LCP1: variants seen among roughly 807,000 people sequenced by gnomAD.
LCP1 encodes plastin-2.
Under a neutral mutation model 72.0 loss-of-function variants are expected in LCP1, and 23 were observed. The observed-to-expected ratio is 0.32, with a 90% CI of 0.23 to 0.45. The LOEUF is 0.45. Among genes scored for constraint, LCP1 ranks in the 20% least tolerant of loss-of-function variants. The pLI, the probability that LCP1 is intolerant of heterozygous loss-of-function variation, is 1.00. For synonymous variants in LCP1, 245 were observed against 275.4 expected (o/e 0.89, Z 1.09); for missense variants, 571 against 748.3 (o/e 0.76, Z 2.76).
rs546724212 is a variant in LCP1 at position 46,171,718 on chromosome 13, A to G, written c.-25+10393T>C. On this transcript the variant is annotated intron_variant, in intron 1 of 15. Coordinates refer to ENST00000323076, the MANE Select transcript of LCP1 (RefSeq NM_002298.5). Reference sequence around the variant, plus strand: ...AATAGTCACGCAAATGCAAGACTACACTAATATGAATATTTTAAAGATATT... The same window carrying G: ...AATAGTCACGCAAATGCAAGACTACGCTAATATGAATATTTTAAAGATATT... 1.0e-3 allele frequency among the ~76,000 whole-genome samples: 157 copies of G among 152,254 alleles called. 3 individuals are homozygous for G. The highest frequency in any genetic ancestry group is 1.7e-3 in the Non-Finnish European group (118 of 68,034).
intron 8 of LCP1, among the ~76,000 whole-genome samples, chr13:46,149,548 C>T (rs1478860471): frequency 6.6e-6 from 1 of 152,200 alleles, no homozygotes; most frequent in Admixed American, 6.5e-5. Flanking sequence ...GGGTGTTCTC[C>T]TCGCCTTTGC....
chr13:46,135,015 A>T (rs2045655753), intron 13 of LCP1, among the ~76,000 whole-genome samples: 2 of 147,478 alleles, frequency 1.4e-5, no homozygotes, highest in Non-Finnish European at 3.0e-5. Flanking sequence ...AGGCTGAGGT[A>T]GGAGGATTGC....
In LCP1 at chr13:46,159,687, C is replaced by T; in HGVS notation, c.-24-1G>A. 6.3e-7 allele frequency: 1 copy of T among 1,585,566 alleles called. No individual in the cohort carries two copies. On this transcript the variant is annotated splice_acceptor_variant, in intron 1 of 15. Transcript: ENST00000323076. LOFTEE classifies it low-confidence loss of function (5UTR_SPLICE). The stretch of plus-strand genomic sequence containing the variant: ...TTTTTTATTGCTTTAGGTAACAGAT[C>T]TGGAGAGAAGAAGAACATAAGGGAT...
chr13:46,171,013 GCT>G (rs1459099165), intron 1 of LCP1, among the ~76,000 whole-genome samples: 2 of 152,182 alleles, frequency 1.3e-5, no homozygotes, highest in Non-Finnish European at 2.9e-5. Context: ...GAGACTCCAT[GCT>G]CTCTCTATAG....
At chr13:46,164,126 A>G (rs552356828) in intron 1 of LCP1, among the ~76,000 whole-genome samples, 6 of 152,346 alleles carry the variant, frequency 3.9e-5, no homozygotes, top group African/African-American at 1.4e-4. Context: ...GAGGACAAAC[A>G]AGATCTCTGA....
intron 2 of LCP1, chr13:46,159,220 C>T: frequency 5.6e-6 from 3 of 539,294 alleles, no homozygotes; most frequent in Non-Finnish European, 9.8e-6. Context: ...CTATAAGGTA[C>T]CTCTGTTTCC....
chr13:46,163,535 C>G (rs917897807), intron 1 of LCP1, among the ~76,000 whole-genome samples: 31 of 151,594 alleles, frequency 2.0e-4, no homozygotes, highest in East Asian at 7.8e-4. Context: ...GAAAACCAGA[C>G]ACCTTTGTTC....
chr13:46,148,615 C>G (rs1443952041), intron 8 of LCP1, among the ~76,000 whole-genome samples, 168 bp from the exon 9 acceptor site: 1 of 152,188 alleles, frequency 6.6e-6, no homozygotes, highest in African/African-American at 2.4e-5. Context: ...CTATTTGTCT[C>G]TTTACATATC....
At position 46,148,666 on chromosome 13, in the gene LCP1, A is replaced by G; in HGVS notation, c.883-219T>C. On this transcript the variant is annotated intron_variant, in intron 8 of 15. Transcript: ENST00000323076. ...TTTAAAAGGAGCGTAACAATAAAAT[A>G]GACAAGATATACACAAAAGGCACCC... is the stretch of plus-strand genomic sequence containing the variant. 3 of 506,780 alleles carry G rather than the reference A, an allele frequency of 5.9e-6. No individual in the cohort carries two copies. The South Asian group carries it at 7.7e-5, about 13-fold the overall frequency. 31.4% of individuals were successfully genotyped at this position (506,780 alleles called of 1,614,324 possible). A position where few individuals can be genotyped will look rare whatever the true frequency, so the allele number is the denominator to read the frequency against.
At chr13:46,133,194 A>G (rs1312447933) in intron 14 of LCP1, among the ~76,000 whole-genome samples, 1 of 152,214 alleles carries the variant, frequency 6.6e-6, no homozygotes, top group Admixed American at 6.5e-5. Flanking sequence ...TATAATATTA[A>G]TCTGAATCAT....
chr13:46,163,644 A>AC (rs1566444200), intron 1 of LCP1, among the ~76,000 whole-genome samples: 1 of 151,496 alleles, frequency 6.6e-6, no homozygotes, highest in East Asian at 1.9e-4. Flanking sequence ...AAAAAAAAAA[A>AC]AAAAAAAACA....
At position 46,171,312 on chromosome 13, in the gene LCP1, A is replaced by G. The variant is rs761836732; in HGVS notation, c.-25+10799T>C. On this transcript the variant is annotated intron_variant, in intron 1 of 15. Transcript: ENST00000323076. ...CTGGCTATGGGATTCCTGTATCTCG[A>G]GTTTCCCTGCCATCCTTTGGGGTTG... 1.6e-4 allele frequency among the ~76,000 whole-genome samples: 24 copies of G among 152,236 alleles called. No individual in the cohort carries two copies. In the South Asian group the frequency reaches 4.8e-3, roughly 30 times the overall value.
chr13:46,175,281 A>G (rs1327628733), intron 1 of LCP1, among the ~76,000 whole-genome samples: 1 of 152,188 alleles, frequency 6.6e-6, no homozygotes, highest in Non-Finnish European at 1.5e-5. Flanking sequence ...CTAGACGACA[A>G]CATGGGAAAA....
chr13:46,146,854 T>A, intron 10 of LCP1, 54 bp downstream of exon 10: 1 of 1,558,558 alleles, frequency 6.4e-7, no homozygotes, highest in Non-Finnish European at 8.9e-7. Flanking sequence ...GAATTGCCAT[T>A]GAATTAGAAT....
intron 1 of LCP1, among the ~76,000 whole-genome samples, chr13:46,164,464 T>G (rs1190524233): frequency 3.3e-5 from 5 of 152,208 alleles, no homozygotes; most frequent in Non-Finnish European, 7.3e-5. Flanking sequence ...CTTGAGCATC[T>G]GTAACAATAT....
intron 1 of LCP1, among the ~76,000 whole-genome samples, chr13:46,164,239 C>G (rs1417158134): frequency 1.3e-5 from 2 of 152,136 alleles, no homozygotes; most frequent in Non-Finnish European, 1.5e-5. Flanking sequence ...AGACTACATT[C>G]TAAGTGTCAC....
intron 4 of LCP1, among the ~76,000 whole-genome samples, chr13:46,156,819 TC>T (rs1566441206): frequency 1.6e-3 from 243 of 151,710 alleles, no homozygotes; most frequent in African/African-American, 5.7e-3. Context: ...CTGTTTCTTT[TC>T]TTTTCTTTTT....
chr13:46,135,096 G>A (rs1435986979), intron 13 of LCP1, among the ~76,000 whole-genome samples: 2 of 121,230 alleles, frequency 1.6e-5, no homozygotes, highest in Non-Finnish European at 3.3e-5. Flanking sequence ...GCAACAGAGT[G>A]AGACTCTGTC....
chr13:46,145,390 T>TG (rs1403933605), intron 10 of LCP1, among the ~76,000 whole-genome samples: 1 of 152,102 alleles, frequency 6.6e-6, no homozygotes, highest in African/African-American at 2.4e-5. Context: ...ATTTGATAAA[T>TG]GGAGACTCCA....
Sources: allele counts gnomAD v4.1 joint callset (sites outside exome capture counted in the v4.1 genomes callset), GRCh38; gene constraint gnomAD v4.1.1; transcripts MANE v1.5; gene names NCBI Gene and HGNC (gene_info 2026-07-23, HGNC 2026-07-21).